The following KIAA1217 variants were observed in gnomAD, a reference collection of about 807,000 sequenced individuals.
KIAA1217 encodes the protein KIAA1217.
A neutral mutation model predicts 163.9 loss-of-function variants in KIAA1217; 88 were observed. That is an observed-to-expected ratio of 0.54 (90% CI 0.45 to 0.64). KIAA1217 has a LOEUF of 0.64. KIAA1217 is among the 30% of genes least tolerant of loss of function. The pLI, the probability that KIAA1217 is intolerant of heterozygous loss-of-function variation, is 0.00. For missense variants in KIAA1217, 2,372 were observed against 2,475.0 expected, an observed-to-expected ratio of 0.96 and a Z score of 0.88; for synonymous variants, 903 against 923.1, an observed-to-expected ratio of 0.98 and a Z score of 0.39.
intron 1 of KIAA1217, among the ~76,000 whole-genome samples, chr10:23,907,564 C>G (rs904314971): frequency 2.6e-5 from 4 of 152,064 alleles, no homozygotes; most frequent in African/African-American, 9.7e-5. Flanking sequence ...TCCTGGAGTG[C>G]TGATGTCCCA....
intron 4 of KIAA1217, among the ~76,000 whole-genome samples, chr10:24,434,054 T>TTTA (rs2059824649): frequency 1.1e-5 from 1 of 94,892 alleles, no homozygotes; most frequent in Admixed American, 1.1e-4. Context: ...TTTTTTTTTT[T>TTTA]ATGAGACAGT....
intron 2 of KIAA1217, among the ~76,000 whole-genome samples, chr10:24,128,441 G>A (rs1320124509): frequency 6.6e-6 from 1 of 152,212 alleles, no homozygotes; most frequent in Admixed American, 6.5e-5. Flanking sequence ...TAATGAAAAT[G>A]TTTAAATCCT....
chr10:23,730,350 T>C (rs1265755426), intron 1 of KIAA1217, among the ~76,000 whole-genome samples: 1 of 152,232 alleles, frequency 6.6e-6, no homozygotes, highest in Non-Finnish European at 1.5e-5. Context: ...TATCAGGTGA[T>C]GCTAGTCTGT....
At chr10:24,416,260 C>T (rs1198675422) in intron 3 of KIAA1217, among the ~76,000 whole-genome samples, 2 of 152,166 alleles carry the variant, frequency 1.3e-5, no homozygotes, top group African/African-American at 4.8e-5. Flanking sequence ...AGCAGCTCAG[C>T]GTGACTCAGT....
chr10:24,426,649 C>G (rs1016113850), intron 3 of KIAA1217, among the ~76,000 whole-genome samples: 1 of 152,056 alleles, frequency 6.6e-6, no homozygotes, highest in Non-Finnish European at 1.5e-5. Flanking sequence ...TGCTTGCAGT[C>G]TCAACAAAAT....
intron 2 of KIAA1217, among the ~76,000 whole-genome samples, chr10:24,248,772 C>T (rs1180588852): frequency 6.8e-6 from 1 of 148,068 alleles, no homozygotes; most frequent in African/African-American, 2.5e-5. Context: ...TTTAGGTTTT[C>T]ATATTATGTT....
chr10:23,810,666 T>TCTATATATAGTATG (rs1441754623), intron 1 of KIAA1217, among the ~76,000 whole-genome samples: 4 of 128,726 alleles, frequency 3.1e-5, no homozygotes, highest in Non-Finnish European at 6.2e-5. Context: ...ATATAATTAA[T>TCTATATATAGTATG]CTATATATAG....
At chr10:23,754,951 TAA>T (rs145680259) in intron 1 of KIAA1217, among the ~76,000 whole-genome samples, 2 of 147,464 alleles carry the variant, frequency 1.4e-5, no homozygotes, top group East Asian at 2.0e-4. Flanking sequence ...GAAAAGGAAT[TAA>T]AAAAAAAACA....
At chr10:23,932,102 G>A (rs570547913) in intron 1 of KIAA1217, among the ~76,000 whole-genome samples, 7 of 152,262 alleles carry the variant, frequency 4.6e-5, no homozygotes, top group African/African-American at 1.7e-4. Context: ...CTCTGCTGGT[G>A]CCTCCTCTTG....
intron 9 of KIAA1217, among the ~76,000 whole-genome samples, chr10:24,504,061 C>G (rs1440372901): frequency 3.3e-5 from 5 of 152,174 alleles, no homozygotes; most frequent in African/African-American, 1.2e-4. Flanking sequence ...CAGCGTCACC[C>G]CATCAGTGGC....
intron 1 of KIAA1217, among the ~76,000 whole-genome samples, chr10:23,832,193 C>T (rs1055396551): frequency 2.0e-5 from 3 of 152,194 alleles, no homozygotes; most frequent in Admixed American, 6.5e-5. Flanking sequence ...AAGCAGGTTC[C>T]TGTGACACTT....
At chr10:23,834,933 G>T (rs1406719280) in intron 1 of KIAA1217, among the ~76,000 whole-genome samples, 1 of 152,094 alleles carries the variant, frequency 6.6e-6, no homozygotes, top group Admixed American at 6.6e-5. Flanking sequence ...TCACTGTTTT[G>T]TAAGTAGTCA....
chr10:24,496,569 A>G (rs2066813284), intron 8 of KIAA1217, among the ~76,000 whole-genome samples: 1 of 152,240 alleles, frequency 6.6e-6, no homozygotes, highest in South Asian at 2.1e-4. Flanking sequence ...GAGAAGAAGA[A>G]GAAGAATAAA....
chr10:24,255,694 A>G, intron 2 of KIAA1217: 1 of 285,260 alleles, frequency 3.5e-6, no homozygotes, highest in Non-Finnish European at 7.1e-6. Flanking sequence ...CTCACCCAAG[A>G]GTCAGTTGTT....
At chr10:24,154,058 C>A (rs1001264139) in intron 2 of KIAA1217, among the ~76,000 whole-genome samples, 2 of 150,366 alleles carry the variant, frequency 1.3e-5, no homozygotes, top group South Asian at 4.2e-4. Context: ...CCCGGGTTCA[C>A]GCCATTCTTC....
chr10:24,077,140 G>A (rs893799900), intron 2 of KIAA1217, among the ~76,000 whole-genome samples: 1 of 152,176 alleles, frequency 6.6e-6, no homozygotes, highest in African/African-American at 2.4e-5. Context: ...GCCTCCCAAA[G>A]TGCTGAGATT....
chr10:23,815,662 C>CA (rs1168826820), intron 1 of KIAA1217, among the ~76,000 whole-genome samples: 1 of 151,918 alleles, frequency 6.6e-6, no homozygotes, highest in Non-Finnish European at 1.5e-5. Flanking sequence ...AAAGCAAAAA[C>CA]AAAAAAATTT....
At chr10:23,980,253 G>A (rs891814425) in intron 1 of KIAA1217, among the ~76,000 whole-genome samples, 3 of 152,132 alleles carry the variant, frequency 2.0e-5, no homozygotes, top group African/African-American at 7.2e-5. Context: ...TGGTGGGAGG[G>A]GCTGAGTGTG....
intron 2 of KIAA1217, among the ~76,000 whole-genome samples, chr10:24,303,399 G>A (rs568874750): frequency 1.3e-5 from 2 of 152,118 alleles, no homozygotes; most frequent in African/African-American, 2.4e-5. Context: ...AGGGAGACCC[G>A]TGAGGAGGCT....
Sources: gnomAD v4.1 joint callset for allele counts (sites outside exome capture counted in the v4.1 genomes callset) on GRCh38, gnomAD v4.1.1 for gene constraint, MANE v1.5 for transcripts, NCBI Gene and HGNC (gene_info 2026-07-23, HGNC 2026-07-21) for gene names.